Variants in CA10 observed in about 807,000 individuals in gnomAD.
The protein encoded by CA10 is carbonic anhydrase-related protein 10.
Under a neutral mutation model 44.2 loss-of-function variants are expected in CA10, and 14 were observed. That is an observed-to-expected ratio of 0.32 (90% CI 0.21 to 0.50). The LOEUF is 0.50. Ranked by LOEUF, CA10 falls within the 20% of genes least tolerant of loss-of-function variation. CA10 has a pLI of 0.99. For synonymous variants in CA10, 159 were observed against 141.6 expected, an observed-to-expected ratio of 1.12 and a Z score of -0.87; for missense variants, 350 against 409.7, an observed-to-expected ratio of 0.85 and a Z score of 1.26.
chr17:51,799,675 G>A (rs1598051007), intron 3 of CA10, among the ~76,000 whole-genome samples: 2 of 152,272 alleles, frequency 1.3e-5, no homozygotes, highest in African/African-American at 4.8e-5. Context: ...GACTAGACTA[G>A]GGTAAAGGCT....
chr17:51,631,512 G>C lies in CA10; in HGVS notation c.*72C>G. The C allele has an allele frequency of 4.6e-6, 6 of 1,318,616 alleles. No individual in the cohort carries two copies. The highest frequency in any genetic ancestry group is 1.5e-5 in the African/African-American group (1 of 68,514). The allele number at this position is 1,318,616 out of a possible 1,614,324, so 81.7% of individuals were successfully genotyped here. On this transcript the variant is annotated 3_prime_UTR_variant, in exon 9 of 9. Coordinates refer to ENST00000451037, the MANE Select transcript of CA10 (RefSeq NM_020178.5). ...AAAGAAGGAGAGAGAAGCAAGAAGG[G>C]GGACATTCTAGGTTACGTCAATTCA...
chr17:52,143,033 C>T (rs891244549), intron 1 of CA10, among the ~76,000 whole-genome samples: 1 of 152,188 alleles, frequency 6.6e-6, no homozygotes, highest in South Asian at 2.1e-4. Context: ...CAAAGATCTC[C>T]AATACTATAA....
chr17:51,756,150 C>T (rs1342024533), intron 3 of CA10, among the ~76,000 whole-genome samples: 3 of 151,830 alleles, frequency 2.0e-5, no homozygotes, highest in South Asian at 2.1e-4. Flanking sequence ...ACTATAAACA[C>T]GCTGGGAGCT....
At chr17:51,968,425 CATGA>C (rs1483488099) in intron 2 of CA10, among the ~76,000 whole-genome samples, 6 of 151,830 alleles carry the variant, frequency 4.0e-5, no homozygotes, top group Non-Finnish European at 8.8e-5. Context: ...CATGTAACAC[CATGA>C]ATGAATCTCA....
rs988218397 is a variant in CA10 at position 51,784,350 on chromosome 17, G to T, written c.280-36532C>A. On this transcript the variant is annotated intron_variant, in intron 3 of 8. Coordinates refer to ENST00000451037, the MANE Select transcript of CA10 (RefSeq NM_020178.5). Reference sequence around the variant, plus strand: ...TCTCATTAGCCTCTGAAAGGTGTGAGGGAAACATGGAAGGCAGTTATGCCT... The same window carrying T: ...TCTCATTAGCCTCTGAAAGGTGTGATGGAAACATGGAAGGCAGTTATGCCT... 6.7e-4 allele frequency among the ~76,000 whole-genome samples: 102 copies of T among 152,210 alleles called. 6 individuals carry two copies. The highest frequency in any genetic ancestry group is 1.5e-5 in the Non-Finnish European group (1 of 68,034).
chr17:51,978,430 G>T (rs1056382223), intron 2 of CA10, among the ~76,000 whole-genome samples: 3 of 150,136 alleles, frequency 2.0e-5, no homozygotes, highest in African/African-American at 7.4e-5. Context: ...GTATGCAAAG[G>T]TACCAAAGCA....
At chr17:52,147,547 C>A (rs1243731539) in intron 1 of CA10, among the ~76,000 whole-genome samples, 1 of 149,534 alleles carries the variant, frequency 6.7e-6, no homozygotes, top group Non-Finnish European at 1.5e-5. Context: ...ATGTGGCTCT[C>A]ATTCAACCAA....
At chr17:51,990,739 T>G (rs186474950) in intron 2 of CA10, among the ~76,000 whole-genome samples, 1 of 152,266 alleles carries the variant, frequency 6.6e-6, no homozygotes, top group East Asian at 1.9e-4. Flanking sequence ...ACTCTCTATT[T>G]CTCATTTGAC....
At chr17:52,096,106 A>G (rs1219269446) in intron 1 of CA10, among the ~76,000 whole-genome samples, 1 of 152,152 alleles carries the variant, frequency 6.6e-6, no homozygotes, top group Non-Finnish European at 1.5e-5. Flanking sequence ...ATGTGGGGAA[A>G]GCACCATGAG....
intron 2 of CA10, among the ~76,000 whole-genome samples, chr17:51,988,487 G>T (rs1984923761): frequency 1.3e-5 from 2 of 151,954 alleles, no homozygotes; most frequent in Admixed American, 1.3e-4. Flanking sequence ...AATTTAAACA[G>T]TGGTTGTTTT....
chr17:51,978,019 A>G (rs548349749), intron 2 of CA10, among the ~76,000 whole-genome samples: 24 of 152,256 alleles, frequency 1.6e-4, no homozygotes, highest in African/African-American at 5.8e-4. Flanking sequence ...AGAGAAATTC[A>G]AGAAAGTCCA....
At chr17:51,654,941 C>G in intron 4 of CA10, among the ~76,000 whole-genome samples, 1 of 151,914 alleles carries the variant, frequency 6.6e-6, no homozygotes, top group Non-Finnish European at 1.5e-5. Flanking sequence ...CTAGTCCATG[C>G]TATACATACA....
intron 4 of CA10, among the ~76,000 whole-genome samples, chr17:51,659,640 C>T (rs906045671): frequency 6.6e-6 from 1 of 152,222 alleles, no homozygotes; most frequent in Non-Finnish European, 1.5e-5. Flanking sequence ...ATCATCACCA[C>T]TTTGGATGAT....
At chr17:51,788,929 C>G (rs1187619550) in intron 3 of CA10, among the ~76,000 whole-genome samples, 1 of 152,166 alleles carries the variant, frequency 6.6e-6, no homozygotes. Flanking sequence ...CTAAATAAAT[C>G]CACTCTTTCT....
At chr17:51,971,841 T>G (rs1389270432) in intron 2 of CA10, among the ~76,000 whole-genome samples, 1 of 151,898 alleles carries the variant, frequency 6.6e-6, no homozygotes, top group Non-Finnish European at 1.5e-5. Context: ...TTTAAAATAA[T>G]TTTAAATATT....
At chr17:51,636,105 T>A in intron 6 of CA10, 96 bp from the exon 7 acceptor site, 2 of 632,174 alleles carry the variant, frequency 3.2e-6, no homozygotes, top group East Asian at 2.8e-5. Context: ...CATATACATA[T>A]ACATACATAT....
At chr17:51,771,481 T>A (rs1321160703) in intron 3 of CA10, among the ~76,000 whole-genome samples, 1 of 152,174 alleles carries the variant, frequency 6.6e-6, no homozygotes. Flanking sequence ...ATTAAGACAA[T>A]GGAGTTTTCC....
chr17:51,818,794 C>T (rs1051591357), intron 3 of CA10, among the ~76,000 whole-genome samples: 5 of 152,210 alleles, frequency 3.3e-5, no homozygotes, highest in African/African-American at 1.2e-4. Flanking sequence ...TTCCCTCCTG[C>T]AGATTCTTAG....
intron 3 of CA10, among the ~76,000 whole-genome samples, chr17:51,844,201 C>T (rs1360428916): frequency 6.6e-6 from 1 of 151,992 alleles, no homozygotes; most frequent in East Asian, 1.9e-4. Flanking sequence ...ATAGTTTAGG[C>T]TTCCAGAAGA....
Sources: gnomAD v4.1 joint callset for allele counts (sites outside exome capture counted in the v4.1 genomes callset) on GRCh38, gnomAD v4.1.1 for gene constraint, MANE v1.5 for transcripts, NCBI Gene and HGNC (gene_info 2026-07-23, HGNC 2026-07-21) for gene names.